Variants in NDUFAF6 observed in about 807,000 individuals in gnomAD.
NDUFAF6 encodes the protein NADH dehydrogenase (ubiquinone) complex I, assembly factor 6.
Under a neutral mutation model 40.8 loss-of-function variants are expected in NDUFAF6, and 45 were observed. That is an observed-to-expected ratio of 1.10 (90% CI 0.87 to 1.42). The LOEUF is 1.42. Among genes scored for constraint, NDUFAF6 ranks in the 40% most tolerant of loss-of-function variants. NDUFAF6 has a pLI of 0.00. For synonymous variants in NDUFAF6, 185 were observed against 155.9 expected (o/e 1.19, Z -1.39); for missense variants, 435 against 418.5 (o/e 1.04, Z -0.34).
intron 1 of NDUFAF6, chr8:94,932,072 T>C (rs768768820): frequency 1.2e-6 from 2 of 1,610,086 alleles, no homozygotes; most frequent in South Asian, 1.1e-5. Flanking sequence ...ATACTTACTC[T>C]GTGCCCGTGA....
intron 1 of NDUFAF6, chr8:94,939,653 C>T (rs1227114401): frequency 5.9e-6 from 4 of 674,240 alleles, no homozygotes; most frequent in East Asian, 3.4e-5. Context: ...CTGCCTTGGC[C>T]TCCCAAAGTG....
chr8:95,038,994 T>G (rs562894545), intron 3 of NDUFAF6, among the ~76,000 whole-genome samples: 1 of 151,524 alleles, frequency 6.6e-6, no homozygotes, highest in African/African-American at 2.4e-5. Flanking sequence ...TTTTTTTTTT[T>G]GAGACAGGGT....
chr8:95,116,752 A>G (rs181104863), downstream of NDUFAF6, among the ~76,000 whole-genome samples: 4 of 152,344 alleles, frequency 2.6e-5, no homozygotes, highest in East Asian at 7.7e-4. Context: ...TTGTGTTGAC[A>G]CTATTAGTTA....
At chr8:95,111,521 T>C (rs1158871375) in intron 4 of NDUFAF6, among the ~76,000 whole-genome samples, 4 of 152,246 alleles carry the variant, frequency 2.6e-5, no homozygotes, top group African/African-American at 9.6e-5. Flanking sequence ...TTCTTTCCTC[T>C]TGCTGTTTAG....
At chr8:95,009,560 A>G (rs1021653511) in intron 2 of NDUFAF6, among the ~76,000 whole-genome samples, 1 of 152,210 alleles carries the variant, frequency 6.6e-6, no homozygotes, top group Non-Finnish European at 1.5e-5. Flanking sequence ...AGAGATTCCC[A>G]TAACAGCAAC....
upstream of NDUFAF6, among the ~76,000 whole-genome samples, chr8:95,096,026 G>A (rs1180887293): frequency 6.6e-6 from 1 of 152,194 alleles, no homozygotes; most frequent in Non-Finnish European, 1.5e-5. Context: ...ACCTTCTAAA[G>A]CCTAGCTCCT....
chr8:94,981,746 TGA>T (rs1208455400), intron 2 of NDUFAF6, among the ~76,000 whole-genome samples: 1 of 152,148 alleles, frequency 6.6e-6, no homozygotes, highest in African/African-American at 2.4e-5. Flanking sequence ...AATGCTTCCA[TGA>T]GAGAGCTGAT....
chr8:95,005,161 A>G (rs574426139), intron 2 of NDUFAF6, among the ~76,000 whole-genome samples: 3 of 152,220 alleles, frequency 2.0e-5, no homozygotes, highest in South Asian at 2.1e-4. Flanking sequence ...AAAATGGGAG[A>G]AAAAAGTCTC....
intron 2 of NDUFAF6, among the ~76,000 whole-genome samples, chr8:94,946,382 G>A (rs1009657052): frequency 6.6e-6 from 1 of 152,006 alleles, no homozygotes; most frequent in African/African-American, 2.4e-5. Flanking sequence ...AGCCCACCAA[G>A]AGGCAGTATA....
chr8:94,924,484 A>T (rs930218359), intron 1 of NDUFAF6, among the ~76,000 whole-genome samples: 2 of 152,240 alleles, frequency 1.3e-5, no homozygotes, highest in African/African-American at 4.8e-5. Flanking sequence ...CAGTGTTTCA[A>T]TGAATAACCT....
intron 2 of NDUFAF6, among the ~76,000 whole-genome samples, chr8:95,006,853 A>C (rs142435879): frequency 6.6e-6 from 1 of 152,304 alleles, no homozygotes; most frequent in African/African-American, 2.4e-5. Context: ...ACTGCACTCC[A>C]TCCTGGGTAA....
chr8:94,914,103 C>CTTTTTT (rs563687562), intron 1 of NDUFAF6, among the ~76,000 whole-genome samples: 5 of 98,196 alleles, frequency 5.1e-5, no homozygotes, highest in Admixed American at 1.1e-4. Context: ...GACCTTATCT[C>CTTTTTT]TTTTTTTTTT....
chr8:95,002,955 C>T (rs998978539), intron 2 of NDUFAF6, among the ~76,000 whole-genome samples: 7 of 152,136 alleles, frequency 4.6e-5, no homozygotes, highest in African/African-American at 1.7e-4. Context: ...GAAGGCATTG[C>T]GTGGAAATTG....
At chr8:94,987,289 C>T (rs2340535) in intron 2 of NDUFAF6, among the ~76,000 whole-genome samples, 5,028 of 152,300 alleles carry the variant, frequency 0.033, 242 homozygotes, top group African/African-American at 0.11. Context: ...TGCCATTGGT[C>T]ACCCAACCCC....
At chr8:94,939,948 T>C (rs763696554) in intron 1 of NDUFAF6, 1 of 1,614,126 alleles carries the variant, frequency 6.2e-7, no homozygotes, top group Admixed American at 1.7e-5. Flanking sequence ...TAGACAGACA[T>C]GCTGGGATGT....
chr8:94,897,630 A>G (rs1450637715), intron 1 of NDUFAF6, among the ~76,000 whole-genome samples: 1 of 150,592 alleles, frequency 6.6e-6, no homozygotes, highest in African/African-American at 2.4e-5. Flanking sequence ...GGAGGAAAAA[A>G]CCCCAGAAGA....
downstream of NDUFAF6, among the ~76,000 whole-genome samples, chr8:95,107,478 G>T (rs546126243): frequency 2.2e-4 from 33 of 152,082 alleles, no homozygotes; most frequent in Admixed American, 7.2e-4. Context: ...GGGCCTGTCG[G>T]AGGGGTAGGA....
chr8:95,077,399 A>G (rs994209422), downstream of NDUFAF6, among the ~76,000 whole-genome samples: 1 of 152,078 alleles, frequency 6.6e-6, no homozygotes, highest in African/African-American at 2.4e-5. Context: ...AACCCTATAT[A>G]TACTATATTT....
chr8:94,905,690 C>T (rs1405699314), intron 1 of NDUFAF6, among the ~76,000 whole-genome samples: 1 of 152,190 alleles, frequency 6.6e-6, no homozygotes, highest in African/African-American at 2.4e-5. Flanking sequence ...TTCCTTCTTC[C>T]TCTCCTAGTG....
Sources: allele counts gnomAD v4.1 joint callset (sites outside exome capture counted in the v4.1 genomes callset), GRCh38; gene constraint gnomAD v4.1.1; transcripts MANE v1.5; gene names NCBI Gene and HGNC (gene_info 2026-07-23, HGNC 2026-07-21).